RAB7A: variants seen among roughly 807,000 people sequenced by gnomAD.
The protein encoded by RAB7A is ras-related protein Rab-7a.
RAB7A carries 2 observed loss-of-function variants against 24.5 expected under a neutral mutation model. The observed-to-expected ratio is 0.08, with a 90% CI of 0.03 to 0.26. The LOEUF is 0.26. RAB7A is among the 10% of genes least tolerant of loss of function. RAB7A has a pLI of 1.00. For missense variants in RAB7A, 118 were observed against 255.7 expected, an observed-to-expected ratio of 0.46 and a Z score of 3.67; for synonymous variants, 100 against 95.9, an observed-to-expected ratio of 1.04 and a Z score of -0.25.
intron 5 of RAB7A, among the ~76,000 whole-genome samples, chr3:128,809,936 CTTTTTTTTTTTTTTT>C (rs869119619): frequency 1.7e-3 from 91 of 52,254 alleles, no homozygotes; most frequent in Non-Finnish European, 2.1e-3. Flanking sequence ...TTGCCACAGT[CTTTTTTTTTTTTTTT>C]TTTTTTTTTT....
chr3:128,801,780 G>A (rs1027772556), intron 3 of RAB7A, among the ~76,000 whole-genome samples: 2 of 152,026 alleles, frequency 1.3e-5, no homozygotes, highest in Non-Finnish European at 2.9e-5. Flanking sequence ...GAGAATTTTC[G>A]AGAATTGGTG....
intron 1 of RAB7A, among the ~76,000 whole-genome samples, chr3:128,779,361 T>G (rs1933164301): frequency 6.6e-6 from 1 of 150,394 alleles, no homozygotes; most frequent in African/African-American, 2.5e-5. Flanking sequence ...TGAGCCGAGA[T>G]CACGCCACTG....
intron 1 of RAB7A, among the ~76,000 whole-genome samples, chr3:128,738,707 T>C (rs980827749): frequency 6.6e-6 from 1 of 152,232 alleles, no homozygotes; most frequent in Non-Finnish European, 1.5e-5. Flanking sequence ...TAAGGGTAAG[T>C]CCCAGACTGA....
At chr3:128,756,629 G>C (rs1006702225) in intron 1 of RAB7A, among the ~76,000 whole-genome samples, 1 of 152,080 alleles carries the variant, frequency 6.6e-6, no homozygotes, top group African/African-American at 2.4e-5. Flanking sequence ...CTCAATGATG[G>C]TTTTGCAGAA....
chr3:128,727,891 C>T (rs2070396278), intron 1 of RAB7A, among the ~76,000 whole-genome samples: 1 of 151,684 alleles, frequency 6.6e-6, no homozygotes, highest in South Asian at 2.1e-4. Flanking sequence ...AGGAGTACTT[C>T]TTCTGAAGAA....
chr3:128,737,832 T>TTTTG (rs2070507215), intron 1 of RAB7A, among the ~76,000 whole-genome samples: 4 of 71,330 alleles, frequency 5.6e-5, no homozygotes, highest in Admixed American at 5.1e-4. Context: ...GTAGTTTTTT[T>TTTTG]TTTTTTTTTT....
At chr3:128,740,492 A>G (rs988140700) in intron 1 of RAB7A, among the ~76,000 whole-genome samples, 3 of 152,248 alleles carry the variant, frequency 2.0e-5, no homozygotes, top group Admixed American at 6.5e-5. Context: ...TATACTTTAC[A>G]TTTTGTAGTT....
intron 3 of RAB7A, among the ~76,000 whole-genome samples, chr3:128,800,200 T>C (rs1205788014): frequency 6.6e-6 from 1 of 152,042 alleles, no homozygotes; most frequent in African/African-American, 2.4e-5. Context: ...AAAAAAGACA[T>C]GACTTATAAA....
At chr3:128,784,965 GGA>G (rs1206769931) in intron 1 of RAB7A, among the ~76,000 whole-genome samples, 1 of 90,638 alleles carries the variant, frequency 1.1e-5, no homozygotes, top group Non-Finnish European at 2.4e-5. Flanking sequence ...TTTTTTTTTT[GGA>G]GACAGTCTCG....
At chr3:128,766,071 G>A (rs538518868) in intron 1 of RAB7A, among the ~76,000 whole-genome samples, 2 of 152,206 alleles carry the variant, frequency 1.3e-5, no homozygotes, top group East Asian at 3.9e-4. Context: ...CAGGCCCCAC[G>A]TCTTAATACT....
chr3:128,812,168 G>A (rs1372927840), intron 5 of RAB7A, among the ~76,000 whole-genome samples: 1 of 152,204 alleles, frequency 6.6e-6, no homozygotes, highest in Non-Finnish European at 1.5e-5. Context: ...TATTAGGAGT[G>A]CAATGGCACC....
rs886607704 is a variant in RAB7A at position 128,814,442 on chromosome 3, A to G, written c.*1020A>G. On this transcript the variant is annotated 3_prime_UTR_variant, in exon 6 of 6. Coordinates refer to ENST00000265062, the MANE Select transcript of RAB7A (RefSeq NM_004637.6). ...TTTCCCCCCTGCTCCACACTTCAAA[A>G]CTCCCGTTAGATCAGCATTCTACTA... is the stretch of plus-strand genomic sequence containing the variant. The G allele has an allele frequency of 6.6e-6, 1 of 152,466 alleles. No individual in the cohort carries two copies. The highest frequency in any genetic ancestry group is 2.1e-4 in the South Asian group (1 of 4,826). The allele number at this position is 152,466 out of a possible 1,614,324, so 9.4% of individuals were successfully genotyped here.
At chr3:128,804,870 G>A (rs112559026) in intron 3 of RAB7A, among the ~76,000 whole-genome samples, 2 of 152,156 alleles carry the variant, frequency 1.3e-5, no homozygotes, top group South Asian at 2.1e-4. Flanking sequence ...AATAGGAATC[G>A]ATGGTTCACT....
chr3:128,806,493 G>C lies in RAB7A; in HGVS notation c.302G>C (p.Ser101Thr). The change falls in exon 4 of 6, where the codon AGC (serine) becomes ACC (threonine). Residue 101 changes from serine to threonine, a missense_variant. Coordinates refer to ENST00000265062, the MANE Select transcript of RAB7A (RefSeq NM_004637.6). The part of the protein sequence containing the change: ...TAPNTFKTLD[S>T]WRDEFLIQAS... ...CCCAACACATTCAAAACCCTAGATA[G>C]CTGGAGAGATGAGTTTCTCATCCAG... The C allele has an allele frequency of 6.2e-7, 1 of 1,614,106 alleles. No individual in the cohort carries two copies. Among genetic ancestry groups the C allele is most frequent in the Non-Finnish European group, 8.5e-7 (1 of 1,179,994 alleles).
At chr3:128,732,769 G>A (rs1256817560) in intron 1 of RAB7A, among the ~76,000 whole-genome samples, 1 of 152,196 alleles carries the variant, frequency 6.6e-6, no homozygotes, top group African/African-American at 2.4e-5. Flanking sequence ...TAAGGCTGCA[G>A]TGGTTTGTGT....
chr3:128,806,587 A>G lies in RAB7A; in HGVS notation c.396A>G (p.Arg132=). The G allele has an allele frequency of 6.2e-7, 1 of 1,611,778 alleles. No homozygotes were observed. The highest frequency in any genetic ancestry group is 1.7e-5 in the Admixed American group (1 of 60,012). Residue 132 remains arginine, a synonymous_variant, in exon 4 of 6, where the codon AGA becomes AGG. Transcript: ENST00000265062. ...VLGNKIDLEN[R]QVATKRAQAW... The stretch of plus-strand genomic sequence containing the variant: ...GAAACAAGATTGACCTCGAAAACAG[A>G]CAAGTAAGTACCAACGATGATAGAT...
intron 3 of RAB7A, 30 bp downstream of exon 3, chr3:128,798,099 G>A: frequency 6.2e-7 from 1 of 1,612,040 alleles, no homozygotes; most frequent in Middle Eastern, 1.7e-4. Flanking sequence ...GTGCTGACCA[G>A]GCCTTGATAG....
intron 1 of RAB7A, among the ~76,000 whole-genome samples, chr3:128,743,980 G>A (rs2070583385): frequency 6.6e-6 from 1 of 151,684 alleles, no homozygotes; most frequent in Non-Finnish European, 1.5e-5. Flanking sequence ...GTAAAGACGG[G>A]GTTTCACCAT....
At chr3:128,727,711 A>T (rs1200171652) in intron 1 of RAB7A, among the ~76,000 whole-genome samples, 2 of 152,180 alleles carry the variant, frequency 1.3e-5, no homozygotes, top group Non-Finnish European at 2.9e-5. Context: ...AAAATACTGC[A>T]TCTTTGGTTT....
Sources: allele counts gnomAD v4.1 joint callset (sites outside exome capture counted in the v4.1 genomes callset), GRCh38; gene constraint gnomAD v4.1.1; transcripts MANE v1.5; gene names NCBI Gene and HGNC (gene_info 2026-07-23, HGNC 2026-07-21).